TUBD1: variants seen among roughly 807,000 people sequenced by gnomAD.
TUBD1 encodes tubulin delta chain.
A neutral mutation model predicts 51.2 loss-of-function variants in TUBD1; 38 were observed. The observed-to-expected ratio is 0.74, with a 90% confidence interval of 0.57 to 0.97. TUBD1 has a LOEUF of 0.97. TUBD1 is among the 50% of genes least tolerant of loss of function. TUBD1 has a pLI of 0.00. For synonymous variants in TUBD1, 169 were observed against 178.2 expected (o/e 0.95, Z 0.41); for missense variants, 489 against 538.4 (o/e 0.91, Z 0.91).
chr17:59,877,077 C>T (rs2040259632), intron 5 of TUBD1, among the ~76,000 whole-genome samples: 1 of 152,056 alleles, frequency 6.6e-6, no homozygotes, highest in South Asian at 2.1e-4. Context: ...CCAGGCTGGT[C>T]TCAAACTTCT....
At chr17:59,861,191 C>CA (rs145560858) in intron 8 of TUBD1, among the ~76,000 whole-genome samples, 18,649 of 121,792 alleles carry the variant, frequency 0.15, 1,431 homozygotes, top group Middle Eastern at 0.23. Flanking sequence ...TCCCACCCCA[C>CA]AAAATTTTTT....
rs1440422359 is a variant in TUBD1 at position 59,860,430 on chromosome 17, A to AG, written c.1260-7dup. On this transcript the variant is annotated splice_region_variant and splice_polypyrimidine_tract_variant and intron_variant, in intron 8 of 8. Coordinates refer to ENST00000325752, the MANE Select transcript of TUBD1 (RefSeq NM_016261.4). ...TGTACTGATGAATGTAGGCTCTGGT[A>AG]GAAAAAAAAAAAAAACAGAAATTAC... 1.8e-5 allele frequency: 25 copies of AG among 1,413,114 alleles called. No homozygotes were observed. Among genetic ancestry groups the AG allele is most frequent in the Non-Finnish European group, 2.2e-5 (23 of 1,024,242 alleles). 87.5% of individuals were successfully genotyped at this position (1,413,114 alleles called of 1,614,324 possible).
At chr17:59,883,779 C>G (rs2040593331) in intron 3 of TUBD1, among the ~76,000 whole-genome samples, 2 of 152,024 alleles carry the variant, frequency 1.3e-5, no homozygotes, top group Admixed American at 1.3e-4. Flanking sequence ...ACTTGAACTC[C>G]TGGGCTCAAG....
chr17:59,876,377 T>C (rs1347315857), intron 5 of TUBD1, among the ~76,000 whole-genome samples: 3 of 149,150 alleles, frequency 2.0e-5, no homozygotes, highest in Admixed American at 6.7e-5. Context: ...TTTTTTGAGA[T>C]GGAGTTTCGC....
At position 59,881,056 on chromosome 17, in the gene TUBD1, C is replaced by T. The variant is rs267604974; in HGVS notation, c.375G>A (p.Lys125=). The T allele has an allele frequency of 1.2e-6, 2 of 1,614,158 alleles. No individual in the cohort carries two copies. The highest frequency in any genetic ancestry group is 1.1e-5 in the South Asian group (1 of 91,088). Residue 125 remains lysine, a synonymous_variant, in exon 4 of 9, where the codon AAG becomes AAA. Coordinates refer to ENST00000325752, the MANE Select transcript of TUBD1 (RefSeq NM_016261.4). ...HEESIMNIIR[K]EVEKCDSFSG... Reference sequence around the variant, plus strand: ...TGAAAGAGTCACATTTCTCCACTTCCTTCCGGATTATGTTCATTATAGATT... The same window carrying T: ...TGAAAGAGTCACATTTCTCCACTTCTTTCCGGATTATGTTCATTATAGATT...
intron 1 of TUBD1, among the ~76,000 whole-genome samples, chr17:59,892,164 T>G (rs1250373917): frequency 1.3e-5 from 2 of 152,240 alleles, no homozygotes; most frequent in Non-Finnish European, 2.9e-5. Flanking sequence ...TCTAGCCTGG[T>G]AACTTTAGTA....
rs201934023 is a variant in TUBD1 at position 59,861,880 on chromosome 17, C to A, written c.1260-1456G>T. On this transcript the variant is annotated intron_variant, in intron 8 of 8. Transcript: ENST00000325752. ...ACGGGGTTTCACCATGTTGGCCAGG[C>A]TGGTCTCAAACTCCTGATCTTGTGA... Among the ~76,000 whole-genome samples, 105 of 151,492 alleles carry A rather than the reference C, an allele frequency of 6.9e-4. No individual in the cohort carries two copies. In the East Asian group the frequency reaches 0.01, roughly 15 times the overall value.
rs937594840 is a variant in TUBD1 at position 59,874,458 on chromosome 17, G to A, written c.934+81C>T. 18 of 1,429,758 alleles carry A rather than the reference G, an allele frequency of 1.3e-5. No individual in the cohort carries two copies. In the African/African-American group the frequency reaches 1.3e-4, roughly 10 times the overall value. The allele number at this position is 1,429,758 out of a possible 1,614,324, so 88.6% of individuals were successfully genotyped here. A position where few individuals can be genotyped will look rare whatever the true frequency, so the allele number is the denominator to read the frequency against. ...GAAAAAGGGACCATTATTTAAACTGGTCCAAGCCAGTTTATATTGAGACTC... is the reference window on the plus strand; with the variant it reads ...GAAAAAGGGACCATTATTTAAACTGATCCAAGCCAGTTTATATTGAGACTC... On this transcript the variant is annotated intron_variant, in intron 6 of 8. Coordinates refer to ENST00000325752, the MANE Select transcript of TUBD1 (RefSeq NM_016261.4).
intron 6 of TUBD1, among the ~76,000 whole-genome samples, chr17:59,872,208 C>T (rs902916441): frequency 2.6e-5 from 4 of 152,250 alleles, no homozygotes; most frequent in Middle Eastern, 3.4e-3. Flanking sequence ...CCGCCTCGGC[C>T]TCCCAAAGTG....
chr17:59,881,179 A>C (rs2040474071), intron 3 of TUBD1, 69 bp from the exon 4 acceptor site: 6 of 1,314,934 alleles, frequency 4.6e-6, no homozygotes, highest in Non-Finnish European at 6.5e-6. Context: ...ATTCAGAGAG[A>C]AAGATACAGG....
chr17:59,873,694 C>G (rs1175008760), intron 6 of TUBD1, among the ~76,000 whole-genome samples: 1 of 151,692 alleles, frequency 6.6e-6, no homozygotes, highest in Non-Finnish European at 1.5e-5. Context: ...GAAACCTCAT[C>G]TCTACTAAAA....
Position 59,874,645 on chromosome 17 carries a change from G to A in TUBD1, c.828C>T (p.Asn276=). The A allele has an allele frequency of 4.3e-6, 7 of 1,613,706 alleles. No individual in the cohort carries two copies. Among genetic ancestry groups the A allele is most frequent in the Non-Finnish European group, 5.9e-6 (7 of 1,179,906 alleles). The part of the protein sequence containing the change: ...HPEFKMLSVR[N]IPHMSENSLA... ...ATGAATTCTCAGACATGTGAGGAAT[G>A]TTACGAACACTCAGCATCTTGAATT... Residue 276 remains asparagine (N), a synonymous_variant, in exon 6 of 9, where the codon AAC becomes AAT. Transcript: ENST00000325752.
chr17:59,868,996 G>A (rs1185292818), intron 6 of TUBD1, among the ~76,000 whole-genome samples: 4 of 151,532 alleles, frequency 2.6e-5, no homozygotes, highest in Non-Finnish European at 5.9e-5. Flanking sequence ...CAGCCTACGT[G>A]ACAGAGTGAA....
At chr17:59,880,010 C>T (rs2144531219) in intron 4 of TUBD1, among the ~76,000 whole-genome samples, 1 of 152,174 alleles carries the variant, frequency 6.6e-6, no homozygotes, top group East Asian at 1.9e-4. Context: ...GCCTCGGCCT[C>T]CCAAAGTGCT....
Position 59,890,968 on chromosome 17 carries a change from C to T in TUBD1, c.35G>A (p.Gly12Asp). Residue 12 changes from glycine to aspartate, a missense_variant, in exon 2 of 9, where the codon GGC becomes GAC. Coordinates refer to ENST00000325752, the MANE Select transcript of TUBD1 (RefSeq NM_016261.4). ...SIVTVQLGQC[G>D]NQIGFEVFDA... ...AAAAACTTCAAAACCAATCTGATTG[C>T]CACACTGACCAAGTTGCACTGTTAC... 6.2e-7 allele frequency: 1 copy of T among 1,613,538 alleles called. No homozygotes were observed. Among genetic ancestry groups the T allele is most frequent in the Non-Finnish European group, 8.5e-7 (1 of 1,179,896 alleles).
In TUBD1 at chr17:59,860,285, GA is replaced by G. The variant is rs764133430; in HGVS notation, c.*36del. On this transcript the variant is annotated 3_prime_UTR_variant, in exon 9 of 9. Transcript: ENST00000325752. ...ATAGTATTGAAAATATTTTAGTCCA[GA>G]AATGCCTTAAGGTATACTTTTCCCA... The G allele has an allele frequency of 5.0e-6, 7 of 1,392,298 alleles. No individual in the cohort carries two copies. The African/African-American group carries it at 1.0e-4, about 20-fold the overall frequency. The allele number at this position is 1,392,298 out of a possible 1,614,324, so 86.2% of individuals were successfully genotyped here. A position where few individuals can be genotyped will look rare whatever the true frequency, so the allele number is the denominator to read the frequency against.
In TUBD1 at chr17:59,866,662, G is replaced by T; in HGVS notation, c.1022C>A (p.Ser341Tyr). 1 of 1,614,042 alleles carries T rather than the reference G, an allele frequency of 6.2e-7. No individual in the cohort carries two copies. The highest frequency in any genetic ancestry group is 8.5e-7 in the Non-Finnish European group (1 of 1,179,988). The change falls in exon 7 of 9, where the codon TCC (serine) becomes TAC (tyrosine). Residue 341 changes from serine to tyrosine, a missense_variant. Physicochemically the swap from Ser to Tyr is moderately radical, Grantham distance 144 (BLOSUM62 -2). Coordinates refer to ENST00000325752, the MANE Select transcript of TUBD1 (RefSeq NM_016261.4). ...ACGAAGAATGACCAAGTTAGCAATG[G>T]AAGTGTTAAAATGCAGGTCCTTGTT... The part of the protein sequence containing the change: ...SLNKDLHFNT[S>Y]IANLVILRGK...
At chr17:59,871,227 GCT>G (rs2039968075) in intron 6 of TUBD1, among the ~76,000 whole-genome samples, 1 of 152,108 alleles carries the variant, frequency 6.6e-6, no homozygotes, top group Non-Finnish European at 1.5e-5. Context: ...ACAGGGTCTC[GCT>G]CTGTCGCCGA....
At chr17:59,881,860 G>A (rs2040505242) in intron 3 of TUBD1, among the ~76,000 whole-genome samples, 4 of 151,892 alleles carry the variant, frequency 2.6e-5, no homozygotes, top group Admixed American at 6.6e-5. Flanking sequence ...GTAGAGACGG[G>A]GTTTCACCAT....
Sources: gnomAD v4.1 joint callset for allele counts (sites outside exome capture counted in the v4.1 genomes callset) on GRCh38, gnomAD v4.1.1 for gene constraint, MANE v1.5 for transcripts, NCBI Gene and HGNC (gene_info 2026-07-23, HGNC 2026-07-21) for gene names.